Variants in OR2AJ1 observed in about 807,000 individuals in gnomAD.
OR2AJ1 encodes olfactory receptor 2AJ1.
For missense variants in OR2AJ1, 280 were observed against 163.2 expected (o/e 1.72, Z -3.90); for synonymous variants, 105 against 60.3 (o/e 1.74, Z -3.44).
Position 247,935,302 on chromosome 1 carries a change from TATC to T in OR2AJ1, c.*550_*552del, listed in dbSNP as rs1660206016. ...GCAACTATACAATATTAGATAGGAA[TATC>T]ATAAAAATTGCCTTATTTCATTTAT... is the stretch of plus-strand genomic sequence containing the variant. On this transcript the variant is annotated 3_prime_UTR_variant, in exon 2 of 2. Transcript: ENST00000318244. 1 of 152,182 alleles carries T rather than the reference TATC, an allele frequency of 6.6e-6. No individual in the cohort carries two copies. The highest frequency in any genetic ancestry group is 2.4e-5 in the African/African-American group (1 of 41,428). The allele number at this position is 152,182 out of a possible 1,614,324, so 9.4% of individuals were successfully genotyped here.
chr1:247,934,353 T>C lies in OR2AJ1; in HGVS notation c.585T>C (p.Tyr195=), dbSNP rs2103007621. Residue 195 remains tyrosine, a synonymous_variant, in exon 2 of 2, where the codon TAT becomes TAC. Coordinates refer to ENST00000318244, the MANE Select transcript of OR2AJ1 (RefSeq NM_001355235.2). ...LKLSCADTTR[Y]ERGVCVSAVI... Reference sequence around the variant, plus strand: ...TGTCCTGTGCAGACACAACACGCTATGAACGAGGGGTTTGTGTAAGTGCTG... The same window carrying C: ...TGTCCTGTGCAGACACAACACGCTACGAACGAGGGGTTTGTGTAAGTGCTG... 2.7e-6 allele frequency: 2 copies of C among 728,358 alleles called. No homozygotes were observed. Among genetic ancestry groups the C allele is most frequent in the Non-Finnish European group, 5.1e-6 (2 of 391,048 alleles). The allele number at this position is 728,358 out of a possible 1,614,324, so 45.1% of individuals were successfully genotyped here. A position where few individuals can be genotyped will look rare whatever the true frequency, so the allele number is the denominator to read the frequency against.
At chr1:247,927,504 G>A (rs903770819) in intron 1 of OR2AJ1, among the ~76,000 whole-genome samples, 1 of 151,870 alleles carries the variant, frequency 6.6e-6, no homozygotes, top group Non-Finnish European at 1.5e-5. Flanking sequence ...GGGGGTGTGT[G>A]TGTGTGTGTG....
At chr1:247,926,370 C>A (rs1660091012) in intron 1 of OR2AJ1, among the ~76,000 whole-genome samples, 1 of 152,186 alleles carries the variant, frequency 6.6e-6, no homozygotes, top group Non-Finnish European at 1.5e-5. Flanking sequence ...AGATCTTTGA[C>A]TGATAGCAAT....
intron 1 of OR2AJ1, among the ~76,000 whole-genome samples, chr1:247,925,586 G>A (rs1015064622): frequency 4.6e-5 from 7 of 151,712 alleles, no homozygotes; most frequent in Non-Finnish European, 1.0e-4. Flanking sequence ...ACTAAATGTA[G>A]GCAAATTTTA....
chr1:247,934,768 T>C lies in OR2AJ1; in HGVS notation c.*13T>C. On this transcript the variant is annotated 3_prime_UTR_variant, in exon 2 of 2. Coordinates refer to ENST00000318244, the MANE Select transcript of OR2AJ1 (RefSeq NM_001355235.2). ...ATTTCTATGTTAAATGCCTGAAGGA[T>C]ACTCATGAGAGGTTTCCTAGAAAGA... 1 of 675,216 alleles carries C rather than the reference T, an allele frequency of 1.5e-6. No homozygotes were observed. The allele number at this position is 675,216 out of a possible 1,614,324, so 41.8% of individuals were successfully genotyped here.
chr1:247,927,495 G>T (rs1468407153), intron 1 of OR2AJ1, among the ~76,000 whole-genome samples: 6 of 13,278 alleles, frequency 4.5e-4, no homozygotes, highest in Admixed American at 1.0e-3. Flanking sequence ...AAACATTTAG[G>T]GGGTGTGTGT....
At chr1:247,930,422 A>AATGCTCAGAAGGATTTGAGTGTAGTGG (rs1464930232) in intron 1 of OR2AJ1, among the ~76,000 whole-genome samples, 1 of 152,198 alleles carries the variant, frequency 6.6e-6, no homozygotes, top group Non-Finnish European at 1.5e-5. Context: ...TTAGATATAA[A>AATGCTCAGAAGGATTTGAGTGTAGTGG]ATGCTCAGAA....
At position 247,934,328 on chromosome 1, in the gene OR2AJ1, TG is replaced by T; in HGVS notation, c.561del (p.Leu187PhefsTer15). 1.4e-6 allele frequency: 1 copy of T among 738,132 alleles called. No homozygotes were observed. The highest frequency in any genetic ancestry group is 2.5e-6 in the Non-Finnish European group (1 of 396,244). 45.7% of individuals were successfully genotyped at this position (738,132 alleles called of 1,614,324 possible). ...FFCEVPAMLK[L>X]SCADTTRYER... ...TGTGAAGTCCCTGCCATGTTGAAGT[TG>T]TCCTGTGCAGACACAACACGCTATG... On this transcript the variant is annotated frameshift_variant, in exon 2 of 2. Transcript: ENST00000318244. LOFTEE classifies it low-confidence loss of function (END_TRUNC).
chr1:247,933,675 A>G, intron 1 of OR2AJ1, 72 bp from the exon 2 acceptor site: 1 of 512,998 alleles, frequency 1.9e-6, no homozygotes, highest in South Asian at 3.7e-5. Context: ...TTTATTATGC[A>G]GGTATATTAT....
chr1:247,932,851 A>T (rs1660169149), intron 1 of OR2AJ1, among the ~76,000 whole-genome samples: 1 of 152,202 alleles, frequency 6.6e-6, no homozygotes, highest in South Asian at 2.1e-4. Flanking sequence ...CAAAATATAA[A>T]TAAATGATAT....
At chr1:247,928,965 G>A (rs1660123188) in intron 1 of OR2AJ1, among the ~76,000 whole-genome samples, 1 of 152,062 alleles carries the variant, frequency 6.6e-6, no homozygotes, top group African/African-American at 2.4e-5. Context: ...GTGGTCGTGG[G>A]CGCCTGTAGT....
rs753925239 is a variant in OR2AJ1, at chr1:247,934,098, T to C, written c.330T>C (p.Gly110=). 1 of 718,418 alleles carries C rather than the reference T, an allele frequency of 1.4e-6. No homozygotes were observed. Among genetic ancestry groups the C allele is most frequent in the Admixed American group, 2.0e-5 (1 of 50,056 alleles). 44.5% of individuals were successfully genotyped at this position (718,418 alleles called of 1,614,324 possible). Residue 110 remains glycine, a synonymous_variant, in exon 2 of 2, where the codon GGT becomes GGC. Coordinates refer to ENST00000318244, the MANE Select transcript of OR2AJ1 (RefSeq NM_001355235.2). ...QVFLSLTLLG[G]ECLLLAAMSC... ...TTCTGTCCCTCACCCTCCTGGGTGGTGAGTGCCTTCTCCTGGCTGCAATGT... is the reference window on the plus strand; with the variant it reads ...TTCTGTCCCTCACCCTCCTGGGTGGCGAGTGCCTTCTCCTGGCTGCAATGT...
chr1:247,934,083 C>T lies in OR2AJ1; in HGVS notation c.315C>T (p.Leu105=), dbSNP rs1660185986. The part of the protein sequence containing the change: ...AGCGFQVFLS[L]TLLGGECLLL... ...GTGGGTTCCAGGTATTTCTGTCCCT[C>T]ACCCTCCTGGGTGGTGAGTGCCTTC... The change falls in exon 2 of 2, where the codon CTC becomes CTT. Residue 105 remains leucine, a synonymous_variant. Coordinates refer to ENST00000318244, the MANE Select transcript of OR2AJ1 (RefSeq NM_001355235.2). The T allele has an allele frequency of 1.4e-6, 1 of 717,852 alleles. No individual in the cohort carries two copies. Among genetic ancestry groups the T allele is most frequent in the Non-Finnish European group, 2.6e-6 (1 of 385,262 alleles). 44.5% of individuals were successfully genotyped at this position (717,852 alleles called of 1,614,324 possible).
At chr1:247,931,471 G>A (rs1029595147) in intron 1 of OR2AJ1, among the ~76,000 whole-genome samples, 5 of 152,124 alleles carry the variant, frequency 3.3e-5, no homozygotes, top group African/African-American at 1.2e-4. Context: ...TGACTGACTG[G>A]TTAAGCCAAG....
At chr1:247,932,202 GT>G (rs1261847715) in intron 1 of OR2AJ1, among the ~76,000 whole-genome samples, 2 of 152,184 alleles carry the variant, frequency 1.3e-5, no homozygotes, top group Non-Finnish European at 2.9e-5. Context: ...GCCGGGTTTG[GT>G]AGTGGTGCCT....
At chr1:247,929,388 C>T (rs1307321493) in intron 1 of OR2AJ1, among the ~76,000 whole-genome samples, 2 of 152,082 alleles carry the variant, frequency 1.3e-5, no homozygotes, top group African/African-American at 4.8e-5. Context: ...TCTCTTCTTT[C>T]ATTCCTTTCC....
intron 1 of OR2AJ1, among the ~76,000 whole-genome samples, chr1:247,928,194 A>G (rs1417261468): frequency 6.6e-6 from 1 of 152,068 alleles, no homozygotes; most frequent in African/African-American, 2.4e-5. Context: ...GTCTTTTTTG[A>G]TAATGACCAC....
At position 247,934,729 on chromosome 1, in the gene OR2AJ1, T is replaced by A. The variant is rs1182691880; in HGVS notation, c.961T>A (p.Cys321Ser). ...HKKMNRKIPE[C>S]VFCLFLC ...AAAAATGAATAGGAAAATTCCTGAA[T>A]GTGTGTTCTGTCTATTTCTATGTTA... The change falls in exon 2 of 2, where the codon TGT becomes AGT. Residue 321 changes from cysteine (C) to serine (S), a missense_variant. By Grantham distance (112) the Cys-to-Ser change is moderately radical (BLOSUM62 -1). Coordinates refer to ENST00000318244, the MANE Select transcript of OR2AJ1 (RefSeq NM_001355235.2). The A allele has an allele frequency of 2.8e-6, 2 of 710,192 alleles. No homozygotes were observed. The highest frequency in any genetic ancestry group is 5.2e-6 in the Non-Finnish European group (2 of 383,980). The allele number at this position is 710,192 out of a possible 1,614,324, so 44.0% of individuals were successfully genotyped here.
rs183035494 is a variant in OR2AJ1, at chr1:247,934,730, G to A, written c.962G>A (p.Cys321Tyr). Residue 321 changes from cysteine (C) to tyrosine (Y), a missense_variant, in exon 2 of 2, where the codon TGT becomes TAT. By Grantham distance (194) the Cys-to-Tyr change is radical. Coordinates refer to ENST00000318244, the MANE Select transcript of OR2AJ1 (RefSeq NM_001355235.2). ...AAAATGAATAGGAAAATTCCTGAAT[G>A]TGTGTTCTGTCTATTTCTATGTTAA... ...HKKMNRKIPE[C>Y]VFCLFLC 1.4e-6 allele frequency: 1 copy of A among 710,032 alleles called. No homozygotes were observed. The highest frequency in any genetic ancestry group is 2.0e-5 in the Admixed American group (1 of 49,834). 44.0% of individuals were successfully genotyped at this position (710,032 alleles called of 1,614,324 possible).
Sources: gnomAD v4.1 joint callset for allele counts (sites outside exome capture counted in the v4.1 genomes callset) on GRCh38, gnomAD v4.1.1 for gene constraint, MANE v1.5 for transcripts, NCBI Gene and HGNC (gene_info 2026-07-23, HGNC 2026-07-21) for gene names.